Variants in MTUS2 observed in about 807,000 individuals in gnomAD.
MTUS2 encodes microtubule-associated tumor suppressor candidate 2.
MTUS2 carries 40 observed loss-of-function variants against 114.1 expected under a neutral mutation model. The observed-to-expected ratio is 0.35, with a 90% confidence interval of 0.27 to 0.46. MTUS2 has a LOEUF of 0.46. Among genes scored for constraint, MTUS2 ranks in the 20% least tolerant of loss-of-function variants. MTUS2 has a pLI of 1.00. For missense variants in MTUS2, 1,679 were observed against 1,705.4 expected, an observed-to-expected ratio of 0.98 and a Z score of 0.27; for synonymous variants, 688 against 672.0, an observed-to-expected ratio of 1.02 and a Z score of -0.37.
At chr13:28,919,941 A>C (rs1365388874) in intron 2 of MTUS2, among the ~76,000 whole-genome samples, 1 of 152,194 alleles carries the variant, frequency 6.6e-6, no homozygotes, top group Admixed American at 6.5e-5. Context: ...CTCTTGGTCA[A>C]ATTTATCTGA....
chr13:29,298,445 G>A (rs563708913), intron 6 of MTUS2, among the ~76,000 whole-genome samples: 15 of 152,290 alleles, frequency 9.8e-5, no homozygotes, highest in African/African-American at 3.4e-4. Flanking sequence ...TGGTCATACT[G>A]TAATTTGATA....
chr13:29,260,142 A>T (rs916194771), intron 5 of MTUS2, among the ~76,000 whole-genome samples: 19 of 152,242 alleles, frequency 1.2e-4, no homozygotes, highest in African/African-American at 4.6e-4. Flanking sequence ...CAGTGAATGA[A>T]ATCTTCTCCA....
At chr13:28,859,131 C>T (rs1486946605) in intron 2 of MTUS2, among the ~76,000 whole-genome samples, 3 of 152,164 alleles carry the variant, frequency 2.0e-5, no homozygotes, top group Non-Finnish European at 2.9e-5. Context: ...TCCATAACAT[C>T]CTGAATTAGG....
At chr13:29,186,738 G>A (rs1424801307) in intron 5 of MTUS2, among the ~76,000 whole-genome samples, 3 of 152,152 alleles carry the variant, frequency 2.0e-5, no homozygotes, top group African/African-American at 7.2e-5. Flanking sequence ...CGAGGAGGTG[G>A]AAAACTTTAG....
intron 12 of MTUS2, among the ~76,000 whole-genome samples, chr13:29,495,355 C>CAAAAAA (rs561721512): frequency 3.4e-5 from 1 of 29,814 alleles, no homozygotes. Flanking sequence ...GAGTCTTTGT[C>CAAAAAA]AAAAAAAAAA....
chr13:29,348,683 G>C (rs555233880), intron 7 of MTUS2, among the ~76,000 whole-genome samples: 2 of 152,320 alleles, frequency 1.3e-5, no homozygotes, highest in Admixed American at 6.5e-5. Flanking sequence ...TTGCAGACTT[G>C]TCTGTTTCCT....
At chr13:29,418,660 A>AC (rs1482176600) in intron 8 of MTUS2, among the ~76,000 whole-genome samples, 1 of 152,108 alleles carries the variant, frequency 6.6e-6, no homozygotes, top group East Asian at 1.9e-4. Flanking sequence ...GGGTTCAGAT[A>AC]CCCCCGCTGC....
chr13:29,221,687 A>G (rs1433815331), intron 5 of MTUS2, among the ~76,000 whole-genome samples: 1 of 151,988 alleles, frequency 6.6e-6, no homozygotes, highest in Non-Finnish European at 1.5e-5. Context: ...TTTTTAATCA[A>G]ATTTATCATT....
At chr13:29,063,934 A>G (rs970018681) in intron 4 of MTUS2, among the ~76,000 whole-genome samples, 10 of 152,298 alleles carry the variant, frequency 6.6e-5, no homozygotes, top group Non-Finnish European at 1.0e-4. Context: ...ATCAGATCCT[A>G]TGGGTGCCCT....
intron 2 of MTUS2, among the ~76,000 whole-genome samples, chr13:28,905,928 C>T (rs1297937708): frequency 2.0e-5 from 3 of 151,610 alleles, no homozygotes; most frequent in Admixed American, 6.6e-5. Flanking sequence ...GCCACAATTT[C>T]AGAGCCTGTT....
chr13:29,005,288 G>C (rs1484859578), intron 2 of MTUS2, among the ~76,000 whole-genome samples: 1 of 152,146 alleles, frequency 6.6e-6, no homozygotes, highest in Admixed American at 6.5e-5. Context: ...GAGGGGCTTG[G>C]GAGTTCTTAG....
At chr13:28,927,978 C>T (rs948109042) in intron 2 of MTUS2, among the ~76,000 whole-genome samples, 1 of 152,046 alleles carries the variant, frequency 6.6e-6, no homozygotes, top group Admixed American at 6.6e-5. Context: ...ACAGCCAACT[C>T]GTTTTTGACA....
At chr13:28,930,978 G>C (rs1348826237) in intron 2 of MTUS2, among the ~76,000 whole-genome samples, 1 of 152,212 alleles carries the variant, frequency 6.6e-6, no homozygotes, top group Non-Finnish European at 1.5e-5. Context: ...GGAGTGGGCA[G>C]ACCTGGAGTC....
intron 8 of MTUS2, among the ~76,000 whole-genome samples, chr13:29,397,277 C>G (rs1361722279): frequency 6.6e-6 from 1 of 152,206 alleles, no homozygotes; most frequent in African/African-American, 2.4e-5. Flanking sequence ...TGTCATGCCT[C>G]ACTCTCTACC....
chr13:29,181,942 G>A (rs532894385), intron 5 of MTUS2, among the ~76,000 whole-genome samples: 1 of 152,030 alleles, frequency 6.6e-6, no homozygotes, highest in Non-Finnish European at 1.5e-5. Context: ...CTCTCACATT[G>A]TACATGTTTT....
chr13:29,140,178 A>C (rs1036104805), intron 5 of MTUS2, among the ~76,000 whole-genome samples: 4 of 152,232 alleles, frequency 2.6e-5, no homozygotes, highest in Admixed American at 6.5e-5. Flanking sequence ...TTGTCAAAAT[A>C]AGCAGTTTCT....
chr13:29,207,867 G>T (rs1421465754), intron 5 of MTUS2, among the ~76,000 whole-genome samples: 1 of 151,950 alleles, frequency 6.6e-6, no homozygotes, highest in Non-Finnish European at 1.5e-5. Context: ...TCATTATGGA[G>T]ATTGGTCTGT....
intron 9 of MTUS2, among the ~76,000 whole-genome samples, chr13:29,457,893 C>T (rs1327797379): frequency 6.6e-6 from 1 of 152,082 alleles, no homozygotes; most frequent in African/African-American, 2.4e-5. Flanking sequence ...TTTCTCTGGT[C>T]GCTAATGATA....
chr13:29,234,296 G>A (rs1451041308), intron 5 of MTUS2, among the ~76,000 whole-genome samples: 2 of 152,050 alleles, frequency 1.3e-5, no homozygotes, highest in Non-Finnish European at 2.9e-5. Context: ...CTCTCACCAT[G>A]CCTGAGGATT....
Sources: gnomAD v4.1 joint callset for allele counts (sites outside exome capture counted in the v4.1 genomes callset) on GRCh38, gnomAD v4.1.1 for gene constraint, MANE v1.5 for transcripts, NCBI Gene and HGNC (gene_info 2026-07-23, HGNC 2026-07-21) for gene names.